DNAH2: variants seen among roughly 807,000 people sequenced by gnomAD.
DNAH2 encodes the protein dynein axonemal heavy chain 2, also known as axonemal beta dynein heavy chain 2.
A neutral mutation model predicts 523.5 loss-of-function variants in DNAH2; 323 were observed. The ratio of observed to expected loss-of-function variants is 0.62; its 90% confidence interval spans 0.56 to 0.68. The LOEUF (loss-of-function observed/expected upper bound fraction) is 0.68, where lower values mean the gene tolerates loss of function less well. Among genes scored for constraint, DNAH2 ranks in the 30% least tolerant of loss-of-function variants. DNAH2 has a pLI of 0.00. For synonymous variants in DNAH2, 2,093 were observed against 2,177.4 expected (o/e 0.96, Z 1.08); for missense variants, 4,907 against 5,701.5 (o/e 0.86, Z 4.49).
chr17:7,791,838 A>G, intron 44 of DNAH2, 79 bp from the exon 45 acceptor site: 1 of 1,405,192 alleles, frequency 7.1e-7, no homozygotes, highest in South Asian at 1.4e-5. Flanking sequence ...GGCTTTCCAC[A>G]CTCTGGTGTC....
intron 2 of DNAH2, among the ~76,000 whole-genome samples, chr17:7,721,713 C>T (rs887354636): frequency 1.3e-5 from 2 of 152,174 alleles, no homozygotes; most frequent in Non-Finnish European, 2.9e-5. Flanking sequence ...CTCCTTTCAG[C>T]CCCTGGGGAA....
In DNAH2 at chr17:7,775,691, CAAAAAAAAAAAAAGAA is replaced by C. The variant is rs200073108; in HGVS notation, c.4822-315_4822-300del. On this transcript the variant is annotated intron_variant, in intron 30 of 85. Coordinates refer to ENST00000572933, the MANE Select transcript of DNAH2 (RefSeq NM_020877.5). ...CAAGAGTGAAACTCCGTCTCAAAACCAAAAAAAAAAAAAGAAAAAAAAAAAAAAAGAAAGTTCAACT... is the reference window on the plus strand; with the variant it reads ...CAAGAGTGAAACTCCGTCTCAAAACCAAAAAAAAAAAAAGAAAGTTCAACT... Among the ~76,000 whole-genome samples, 56 of 82,874 alleles carry C rather than the reference CAAAAAAAAAAAAAGAA, an allele frequency of 6.8e-4. No homozygotes were observed. The East Asian group carries it at 1.0e-2, about 15-fold the overall frequency. 54.4% of individuals were successfully genotyped at this position (82,874 alleles called of 152,430 possible). A position where few individuals can be genotyped will look rare whatever the true frequency, so the allele number is the denominator to read the frequency against.
In DNAH2 at chr17:7,780,595, G is replaced by T; in HGVS notation, c.5851-35G>T. On this transcript the variant is annotated intron_variant, in intron 37 of 85. Coordinates refer to ENST00000572933, the MANE Select transcript of DNAH2 (RefSeq NM_020877.5). This position sits in a 1 kb window ranked among gnomAD's most constrained non-coding sequence, Gnocchi z 4.4. ...GATGAAGCAGAGGGATTTGTGGGGA[G>T]ATGGACTGTTTCCTCCTCTGTTTTG... 1 of 1,610,712 alleles carries T rather than the reference G, an allele frequency of 6.2e-7. No homozygotes were observed.
rs2078208109 is a variant in DNAH2 at position 7,832,481 on chromosome 17, C to T, written c.12727-98C>T. On this transcript the variant is annotated intron_variant, in intron 82 of 85. Transcript: ENST00000572933. This position sits in a 1 kb window ranked among gnomAD's most constrained non-coding sequence, Gnocchi z 4.3. ...CCAAGATCGTACCACTGCACTCCAG[C>T]CTGGGGGACAAGAGCAAAACTCTGT... 1 of 1,447,038 alleles carries T rather than the reference C, an allele frequency of 6.9e-7. No individual in the cohort carries two copies. Among genetic ancestry groups the T allele is most frequent in the Non-Finnish European group, 9.4e-7 (1 of 1,062,438 alleles). The allele number at this position is 1,447,038 out of a possible 1,614,324, so 89.6% of individuals were successfully genotyped here.
chr17:7,793,501 TTCTTTCTTTCTTTCTTC>T lies in DNAH2; in HGVS notation c.7569+304_7569+320del, dbSNP rs1215205415. ...TTTCTTTCTTTCTTTCTTTCTTTCTTTCTTTCTTTCTTTCTTCTCTTTCTCTTTCTTTCTTTTTCTTT... is the reference window on the plus strand; with the variant it reads ...TTTCTTTCTTTCTTTCTTTCTTTCTTTCTTTCTCTTTCTTTCTTTTTCTTT... On this transcript the variant is annotated intron_variant, in intron 48 of 85. Coordinates refer to ENST00000572933, the MANE Select transcript of DNAH2 (RefSeq NM_020877.5). 9.4e-5 allele frequency among the ~76,000 whole-genome samples: 13 copies of T among 137,808 alleles called. 1 individual carries two copies. Among genetic ancestry groups the T allele is most frequent in the African/African-American group, 3.3e-4 (13 of 39,672 alleles). 90.4% of individuals were successfully genotyped at this position (137,808 alleles called of 152,430 possible).
chr17:7,730,502 T>C (rs1364231284), intron 4 of DNAH2, among the ~76,000 whole-genome samples: 1 of 152,202 alleles, frequency 6.6e-6, no homozygotes, highest in Admixed American at 6.5e-5. Flanking sequence ...AAGGACACAC[T>C]GTATTCCACA....
intron 31 of DNAH2, 95 bp downstream of exon 31, chr17:7,776,244 T>A: frequency 7.0e-7 from 1 of 1,420,836 alleles, no homozygotes; most frequent in African/African-American, 1.4e-5. Context: ...GGTGGGCAGA[T>A]CACTTGAGGT....
rs1157503991 is a variant in DNAH2, at chr17:7,759,206, C to T, written c.2448+82C>T. Reference sequence around the variant, plus strand: ...ATCAGGCCATTCTCTTGCTCCCCGACCCTTTTTTCTTTTTTACCAGTGTGT... The same window carrying T: ...ATCAGGCCATTCTCTTGCTCCCCGATCCTTTTTTCTTTTTTACCAGTGTGT... On this transcript the variant is annotated intron_variant, in intron 15 of 85. Transcript: ENST00000572933. The T allele has an allele frequency of 8.3e-6, 13 of 1,574,508 alleles. No individual in the cohort carries two copies. The East Asian group carries it at 1.6e-4, about 19-fold the overall frequency.
rs371089637 is a variant in DNAH2, at chr17:7,719,851, G to A, written c.117G>A (p.Pro39=). The A allele has an allele frequency of 3.3e-5, 53 of 1,599,682 alleles. No homozygotes were observed. Among genetic ancestry groups the A allele is most frequent in the Middle Eastern group, 1.8e-4 (1 of 5,564 alleles). The stretch of plus-strand genomic sequence containing the variant: ...CCACACAGGAGCAGGGGAATGCCCC[G>A]GCTGTCAGTGAGCCAGAGCTGCAGG... ...AVATQEQGNA[P]AVSEPELQAE... is the part of the protein sequence containing the mutation. The change falls in exon 2 of 86, where the codon CCG becomes CCA. Residue 39 remains proline, a synonymous_variant. Coordinates refer to ENST00000572933, the MANE Select transcript of DNAH2 (RefSeq NM_020877.5).
rs1334098292 is a variant in DNAH2 at position 7,734,495 on chromosome 17, G to C, written c.765G>C (p.Gln255His). ...CCTCCATGATCCACTGGACCCGGCA[G>C]ATAAAGGAGATGCTCAGTGCCCAGG... ...LETSMIHWTR[Q>H]IKEMLSAQET... is the part of the protein sequence containing the mutation. The change falls in exon 7 of 86, where the codon CAG becomes CAC. Residue 255 changes from glutamine (Q) to histidine (H), a missense_variant. Physicochemically the swap from Gln to His is conservative, Grantham distance 24. This residue lies in a region of DNAH2 where 2,806 missense variants were observed against 3,190.8 expected (regional missense o/e 0.88). Coordinates refer to ENST00000572933, the MANE Select transcript of DNAH2 (RefSeq NM_020877.5). 3 of 1,613,856 alleles carry C rather than the reference G, an allele frequency of 1.9e-6. No homozygotes were observed. In the African/African-American group the frequency reaches 4.0e-5, roughly 22 times the overall value.
chr17:7,778,018 C>T (rs554067382), intron 33 of DNAH2, 59 bp from the exon 34 acceptor site: 3 of 1,467,354 alleles, frequency 2.0e-6, no homozygotes, highest in African/African-American at 2.7e-5. Flanking sequence ...CAGTCATTGT[C>T]CCAGCTCTAA....
chr17:7,744,293 C>CAAAAAAAA (rs397977899), intron 12 of DNAH2, among the ~76,000 whole-genome samples: 1 of 37,118 alleles, frequency 2.7e-5, no homozygotes, highest in Admixed American at 2.5e-4. Context: ...GTCTCCGTCT[C>CAAAAAAAA]AAAAAAAAAA....
chr17:7,774,235 A>G (rs1335143213), intron 28 of DNAH2, among the ~76,000 whole-genome samples: 1 of 152,200 alleles, frequency 6.6e-6, no homozygotes, highest in Non-Finnish European at 1.5e-5. Context: ...TGATGTCGCA[A>G]CAGTCGATCT....
intron 74 of DNAH2, 32 bp from the exon 75 acceptor site, chr17:7,823,802 C>T: frequency 6.2e-7 from 1 of 1,609,800 alleles, no homozygotes. Flanking sequence ...AGACTCACTC[C>T]CTCTCCCTGC....
At chr17:7,727,553 C>T (rs866018954) in intron 4 of DNAH2, among the ~76,000 whole-genome samples, 8 of 152,010 alleles carry the variant, frequency 5.3e-5, no homozygotes, top group Admixed American at 3.3e-4. Context: ...GTCAGGAGAT[C>T]GGGAACATCC....
chr17:7,803,390 G>T (rs1047107200), intron 58 of DNAH2, among the ~76,000 whole-genome samples: 27 of 152,154 alleles, frequency 1.8e-4, no homozygotes, highest in African/African-American at 6.5e-4. Flanking sequence ...TACAAATAAG[G>T]CTGGGCACGG....
chr17:7,775,145 G>T lies in DNAH2; in HGVS notation c.4720-96G>T, dbSNP rs1044682675. ...AGAATTGGTAATATTGAGAGGAGGG[G>T]AGAGGAGCAGTAATTATCCTCAAAA... On this transcript the variant is annotated intron_variant, in intron 29 of 85. Transcript: ENST00000572933. 3 of 1,307,324 alleles carry T rather than the reference G, an allele frequency of 2.3e-6. No homozygotes were observed. The African/African-American group carries it at 4.4e-5, about 19-fold the overall frequency. The allele number at this position is 1,307,324 out of a possible 1,614,324, so 81.0% of individuals were successfully genotyped here.
chr17:7,761,387 G>A lies in DNAH2; in HGVS notation c.2978+455G>A, dbSNP rs549162174. Among the ~76,000 whole-genome samples, 8 of 152,194 alleles carry A rather than the reference G, an allele frequency of 5.3e-5. No homozygotes were observed. The South Asian group carries it at 8.3e-4, about 16-fold the overall frequency. On this transcript the variant is annotated intron_variant, in intron 18 of 85. Coordinates refer to ENST00000572933, the MANE Select transcript of DNAH2 (RefSeq NM_020877.5). ...GGCTCAAGCGATCCTCCTGGCTAAC[G>A]CTCCTGAGTAGCTGGGACCACAGGC...
intron 63 of DNAH2, among the ~76,000 whole-genome samples, chr17:7,814,133 G>T (rs1410495486): frequency 6.9e-6 from 1 of 143,916 alleles, no homozygotes; most frequent in East Asian, 2.0e-4. Context: ...TTAACCGGGT[G>T]CACTTTCGTT....
Sources: gnomAD v4.1 joint callset for allele counts (sites outside exome capture counted in the v4.1 genomes callset) on GRCh38, gnomAD v4.1.1 for gene constraint, gnomAD v4.1.1 regional missense constraint, Gnocchi (gnomAD v3.1) non-coding constraint, MANE v1.5 for transcripts, NCBI Gene and HGNC (gene_info 2026-07-23, HGNC 2026-07-21) for gene names.